Variants in RTF1 observed in about 807,000 individuals in gnomAD.
The protein encoded by RTF1 is RNA polymerase-associated protein RTF1 homolog.
Under a neutral mutation model 95.7 loss-of-function variants are expected in RTF1, and 10 were observed. That is an observed-to-expected ratio of 0.10 (90% CI 0.06 to 0.18). The LOEUF is 0.18. RTF1 is among the 10% of genes least tolerant of loss of function. RTF1 has a pLI of 1.00. For synonymous variants in RTF1, 305 were observed against 311.8 expected (o/e 0.98, Z 0.23); for missense variants, 458 against 875.6 (o/e 0.52, Z 6.02).
At chr15:41,436,934 A>G (rs2050706634) in intron 1 of RTF1, among the ~76,000 whole-genome samples, 2 of 150,970 alleles carry the variant, frequency 1.3e-5, no homozygotes, top group Non-Finnish European at 2.9e-5. Context: ...TAAAATACAA[A>G]AAATTACCCA....
intron 7 of RTF1, among the ~76,000 whole-genome samples, chr15:41,470,821 G>T (rs1187651228): frequency 1.3e-5 from 2 of 151,870 alleles, no homozygotes; most frequent in African/African-American, 4.8e-5. Context: ...ACTACGCCCG[G>T]CTAATTTTTT....
At position 41,471,259 on chromosome 15, in the gene RTF1, C is replaced by T. The variant is rs970740941; in HGVS notation, c.1113C>T (p.Arg371=). The part of the protein sequence containing the change: ...RVRLSRHKLE[R]WCHMPFFAKT... ...GATTATCACGGCATAAGCTAGAACG[C>T]TGGTGTCACATGCCCTTCTTTGCTA... The change falls in exon 8 of 18, where the codon CGC becomes CGT. Residue 371 remains arginine, a synonymous_variant. Transcript: ENST00000389629. 1.9e-6 allele frequency: 3 copies of T among 1,614,094 alleles called. No individual in the cohort carries two copies. The highest frequency in any genetic ancestry group is 2.5e-6 in the Non-Finnish European group (3 of 1,180,016).
In RTF1 at chr15:41,466,289, A is replaced by G. The variant is rs199907704; in HGVS notation, c.889+37A>G. 3.8e-5 allele frequency: 52 copies of G among 1,363,348 alleles called. No homozygotes were observed. The African/African-American group carries it at 6.9e-4, about 18-fold the overall frequency. The allele number at this position is 1,363,348 out of a possible 1,614,324, so 84.5% of individuals were successfully genotyped here. A position where few individuals can be genotyped will look rare whatever the true frequency, so the allele number is the denominator to read the frequency against. ...AAATATAATGGCTACTTGTGTCTTT[A>G]TATGATTTGACTTCCTGGTGTCCAT... is the stretch of plus-strand genomic sequence containing the variant. On this transcript the variant is annotated intron_variant, in intron 6 of 17. Coordinates refer to ENST00000389629, the MANE Select transcript of RTF1 (RefSeq NM_015138.5).
At chr15:41,430,246 G>A (rs1233766637) in intron 1 of RTF1, among the ~76,000 whole-genome samples, 6 of 146,754 alleles carry the variant, frequency 4.1e-5, no homozygotes, top group Admixed American at 3.5e-4. Context: ...GCGCGATCTC[G>A]GCTCACTGCA....
intron 5 of RTF1, 112 bp downstream of exon 5, chr15:41,464,997 GT>G (rs2050873111): frequency 2.9e-6 from 4 of 1,368,216 alleles, no homozygotes; most frequent in Middle Eastern, 2.8e-4. Context: ...ATCAGCCTAA[GT>G]TTATAAGACT....
chr15:41,430,001 TTTTTC>T (rs2050660515), intron 1 of RTF1, among the ~76,000 whole-genome samples: 1 of 149,532 alleles, frequency 6.7e-6, no homozygotes, highest in Non-Finnish European at 1.5e-5. Context: ...TTTATTTTAT[TTTTTC>T]TTTTCTTTTT....
chr15:41,482,915 A>G lies in RTF1; in HGVS notation c.*2228A>G, dbSNP rs1222955279. ...TCCACCATGTAGATCTGTATTTAGT[A>G]TCATTTGGATTTGGAGAAGTGTTGA... On this transcript the variant is annotated 3_prime_UTR_variant, in exon 18 of 18. Coordinates refer to ENST00000389629, the MANE Select transcript of RTF1 (RefSeq NM_015138.5). 6.6e-6 allele frequency: 1 copy of G among 152,242 alleles called. No homozygotes were observed. Among genetic ancestry groups the G allele is most frequent in the Non-Finnish European group, 1.5e-5 (1 of 67,984 alleles). The allele number at this position is 152,242 out of a possible 1,614,324, so 9.4% of individuals were successfully genotyped here.
At chr15:41,459,612 G>A (rs771585792) in intron 4 of RTF1, among the ~76,000 whole-genome samples, 6 of 152,196 alleles carry the variant, frequency 3.9e-5, no homozygotes, top group African/African-American at 9.6e-5. Context: ...AATTGTTCAC[G>A]CTCCTAGGTT....
At chr15:41,422,884 C>G (rs1435812332) in intron 1 of RTF1, among the ~76,000 whole-genome samples, 1 of 152,126 alleles carries the variant, frequency 6.6e-6, no homozygotes, top group Non-Finnish European at 1.5e-5. Flanking sequence ...AAACAATTCT[C>G]TGCCTCAGCC....
intron 4 of RTF1, among the ~76,000 whole-genome samples, chr15:41,464,521 G>A (rs1266068859): frequency 6.6e-6 from 1 of 152,096 alleles, no homozygotes; most frequent in African/African-American, 2.4e-5. Flanking sequence ...TTACAGGTGT[G>A]AGCCCCTGTG....
At chr15:41,476,568 T>A (rs746299402) in intron 12 of RTF1, 45 bp downstream of exon 12, 1 of 1,542,366 alleles carries the variant, frequency 6.5e-7, no homozygotes, top group Non-Finnish European at 9.0e-7. Flanking sequence ...TGTAAGGAGA[T>A]GTGGAAATCA....
At chr15:41,425,376 G>A (rs1394045344) in intron 1 of RTF1, among the ~76,000 whole-genome samples, 1 of 152,134 alleles carries the variant, frequency 6.6e-6, no homozygotes, top group Non-Finnish European at 1.5e-5. Context: ...AGTGTGCTGG[G>A]ATTACAGGTG....
chr15:41,465,322 G>T (rs921660824), intron 5 of RTF1, among the ~76,000 whole-genome samples: 3 of 152,032 alleles, frequency 2.0e-5, no homozygotes, highest in Non-Finnish European at 4.4e-5. Flanking sequence ...ATGCTACCGT[G>T]CCCGGCTTTC....
chr15:41,471,657 G>T (rs1303923895), intron 8 of RTF1, among the ~76,000 whole-genome samples: 1 of 152,132 alleles, frequency 6.6e-6, no homozygotes, highest in Non-Finnish European at 1.5e-5. Flanking sequence ...TAATCTAAAA[G>T]ATTTGTTCAT....
rs146800262 is a variant in RTF1 at position 41,468,607 on chromosome 15, G to A, written c.890-1650G>A. On this transcript the variant is annotated intron_variant, in intron 6 of 17. Transcript: ENST00000389629. ...GCTGGGATTACAGGTGTGAGCCACC[G>A]CACCCGGCCTAAAGAGAAACTTCTA... Among the ~76,000 whole-genome samples, 273 of 152,224 alleles carry A rather than the reference G, an allele frequency of 1.8e-3. 1 individual carries two copies. The highest frequency in any genetic ancestry group is 4.2e-3 in the African/African-American group (173 of 41,536).
intron 1 of RTF1, among the ~76,000 whole-genome samples, chr15:41,431,494 C>T (rs1486057759): frequency 2.0e-5 from 3 of 152,022 alleles, no homozygotes; most frequent in Admixed American, 6.6e-5. Context: ...GGATTACAGG[C>T]GTGAACCACC....
chr15:41,421,360 G>T (rs1308801637), intron 1 of RTF1, among the ~76,000 whole-genome samples: 1 of 152,084 alleles, frequency 6.6e-6, no homozygotes, highest in Admixed American at 6.6e-5. Flanking sequence ...GAAGGCTGAG[G>T]CAGGAGAATC....
intron 1 of RTF1, among the ~76,000 whole-genome samples, chr15:41,432,108 T>G (rs1566837373): frequency 6.7e-6 from 1 of 150,110 alleles, no homozygotes. Flanking sequence ...CATACTATTG[T>G]TAATATGGTA....
rs1391017232 is a variant in RTF1 at position 41,479,184 on chromosome 15, A to G, written c.1900A>G (p.Lys634Glu). ...TTCTGGAGTGTTACCAGATGCTCCAAAGGAAATGAGCAAGGCAAGTGTGGT... is the reference window on the plus strand; with the variant it reads ...TTCTGGAGTGTTACCAGATGCTCCAGAGGAAATGAGCAAGGCAAGTGTGGT... ...YGSGVLPDAP[K>E]EMSKGQGKDK... The change falls in exon 16 of 18, where the codon AAG (lysine) becomes GAG (glutamate). Residue 634 changes from lysine (K) to glutamate (E), a missense_variant. Physicochemically the swap from Lys to Glu is moderately conservative, Grantham distance 56. This residue lies in a region of RTF1 where 50 missense variants were observed against 100.0 expected (regional missense o/e 0.50). Coordinates refer to ENST00000389629, the MANE Select transcript of RTF1 (RefSeq NM_015138.5). 2 of 1,612,858 alleles carry G rather than the reference A, an allele frequency of 1.2e-6. No individual in the cohort carries two copies. The highest frequency in any genetic ancestry group is 1.3e-5 in the African/African-American group (1 of 74,856).
Sources: gnomAD v4.1 joint callset for allele counts (sites outside exome capture counted in the v4.1 genomes callset) on GRCh38, gnomAD v4.1.1 for gene constraint, gnomAD v4.1.1 regional missense constraint, MANE v1.5 for transcripts, NCBI Gene and HGNC (gene_info 2026-07-23, HGNC 2026-07-21) for gene names.